Variants in PSME3 observed in about 807,000 individuals in gnomAD.
PSME3 encodes proteasome activator subunit 3, also known as proteasome activator complex subunit 3.
PSME3 carries 7 observed loss-of-function variants against 38.3 expected under a neutral mutation model. The observed-to-expected ratio is 0.18, with a 90% CI of 0.10 to 0.34. The LOEUF is 0.34. PSME3 is among the 10% of genes least tolerant of loss of function. PSME3 has a pLI of 1.00. For missense variants in PSME3, 192 were observed against 307.6 expected, an observed-to-expected ratio of 0.62 and a Z score of 2.81; for synonymous variants, 108 against 105.7, an observed-to-expected ratio of 1.02 and a Z score of -0.13.
chr17:42,839,242 C>T, intron 9 of PSME3, 52 bp from the exon 10 acceptor site: 2 of 1,575,486 alleles, frequency 1.3e-6, no homozygotes, highest in Admixed American at 1.7e-5. Flanking sequence ...AAGGAGCTGT[C>T]TGGAAACAAT....
At chr17:42,834,287 C>T in intron 1 of PSME3, 57 bp from the exon 2 acceptor site, 1 of 1,612,078 alleles carries the variant, frequency 6.2e-7, no homozygotes, top group South Asian at 1.1e-5. Flanking sequence ...TTGGGATTCT[C>T]CATCCTGCTC....
chr17:42,841,125 C>A (rs147111169), intron 10 of PSME3, among the ~76,000 whole-genome samples: 223 of 140,774 alleles, frequency 1.6e-3, no homozygotes, highest in African/African-American at 5.7e-3. Flanking sequence ...AGAGCAAGAC[C>A]GTGTCTCAAA....
rs766375896 is a variant in PSME3 at position 42,839,296 on chromosome 17, G to A, written c.600G>A (p.Glu200=). 8 of 1,613,314 alleles carry A rather than the reference G, an allele frequency of 5.0e-6. No homozygotes were observed. Among genetic ancestry groups the A allele is most frequent in the Non-Finnish European group, 3.4e-6 (4 of 1,179,248 alleles). ...TTTTTCCTGTACCCTCCTTGCAGGA[G>A]GACTATCGCCGCACCGTGACAGAGA... ...VSKIAKYPHV[E]DYRRTVTEID... The change falls in exon 10 of 11, where the codon GAG becomes GAA. Residue 200 remains glutamate (E), a splice_region_variant and synonymous_variant. Coordinates refer to ENST00000590720, the MANE Select transcript of PSME3 (RefSeq NM_005789.4).
chr17:42,834,597 C>T lies in PSME3; in HGVS notation c.138+20C>T, dbSNP rs367851304. 6.2e-7 allele frequency: 1 copy of T among 1,611,994 alleles called. No homozygotes were observed. Among genetic ancestry groups the T allele is most frequent in the African/African-American group, 1.3e-5 (1 of 74,840 alleles). On this transcript the variant is annotated intron_variant, in intron 3 of 10. Transcript: ENST00000590720. ...CTGAAGGTGAGAGACCCTATTCTTTCCTCAAATTCCCCAATTTTTTTGGCC... is the reference window on the plus strand; with the variant it reads ...CTGAAGGTGAGAGACCCTATTCTTTTCTCAAATTCCCCAATTTTTTTGGCC...
chr17:42,841,898 G>A lies in PSME3; in HGVS notation c.*320G>A, dbSNP rs2055538876. 4.8e-6 allele frequency: 1 copy of A among 210,152 alleles called. No individual in the cohort carries two copies. The highest frequency in any genetic ancestry group is 9.4e-6 in the Non-Finnish European group (1 of 105,946). 13.0% of individuals were successfully genotyped at this position (210,152 alleles called of 1,614,324 possible). On this transcript the variant is annotated 3_prime_UTR_variant, in exon 11 of 11. Transcript: ENST00000590720. Reference sequence around the variant, plus strand: ...CATTCTCCCCCTCTCTCCCTCCTGTGTCTTGCGCTTTATGTTTTCTTCCGT... The same window carrying A: ...CATTCTCCCCCTCTCTCCCTCCTGTATCTTGCGCTTTATGTTTTCTTCCGT...
intron 4 of PSME3, among the ~76,000 whole-genome samples, chr17:42,836,201 C>T (rs1284206479): frequency 3.3e-5 from 5 of 151,930 alleles, no homozygotes; most frequent in Admixed American, 2.6e-4. Flanking sequence ...GACAGGGTTT[C>T]ACCATGTTGT....
In PSME3 at chr17:42,841,940, T is replaced by C. The variant is rs1404463899; in HGVS notation, c.*362T>C. 1 of 163,958 alleles carries C rather than the reference T, an allele frequency of 6.1e-6. No individual in the cohort carries two copies. Among genetic ancestry groups the C allele is most frequent in the Non-Finnish European group, 1.3e-5 (1 of 75,550 alleles). The allele number at this position is 163,958 out of a possible 1,614,324, so 10.2% of individuals were successfully genotyped here. ...TTCTTCCGTTTGATAATTAGTTGGT[T>C]AAAAGCTGAGGGAACCGGAAGGAAA... On this transcript the variant is annotated 3_prime_UTR_variant, in exon 11 of 11. Coordinates refer to ENST00000590720, the MANE Select transcript of PSME3 (RefSeq NM_005789.4).
At chr17:42,833,837 G>GAA in intron 1 of PSME3, 164 bp downstream of exon 1, 2 of 1,534,592 alleles carry the variant, frequency 1.3e-6, no homozygotes, top group Non-Finnish European at 1.8e-6. Flanking sequence ...CGCGGGAGAG[G>GAA]AAAATATAGG....
At position 42,841,882 on chromosome 17, in the gene PSME3, CCT is replaced by C. The variant is rs1456867891; in HGVS notation, c.*310_*311del. The C allele has an allele frequency of 4.2e-6, 1 of 237,902 alleles. No homozygotes were observed. Among genetic ancestry groups the C allele is most frequent in the African/African-American group, 2.3e-5 (1 of 44,384 alleles). The allele number at this position is 237,902 out of a possible 1,614,324, so 14.7% of individuals were successfully genotyped here. A position where few individuals can be genotyped will look rare whatever the true frequency, so the allele number is the denominator to read the frequency against. ...AAAATACCTGTGTTTTCATTCTCCC[CCT>C]CTCTCCCTCCTGTGTCTTGCGCTTT... On this transcript the variant is annotated 3_prime_UTR_variant, in exon 11 of 11. Transcript: ENST00000590720.
Position 42,841,794 on chromosome 17 carries a change from C to T in PSME3, c.*216C>T, listed in dbSNP as rs2055537320. On this transcript the variant is annotated 3_prime_UTR_variant, in exon 11 of 11. Coordinates refer to ENST00000590720, the MANE Select transcript of PSME3 (RefSeq NM_005789.4). The stretch of plus-strand genomic sequence containing the variant: ...CTCTTCTATTTCCTTCCCTAATACC[C>T]CACACCCAACCTGTCGTAATTTCTG... 2 of 397,918 alleles carry T rather than the reference C, an allele frequency of 5.0e-6. No individual in the cohort carries two copies. Among genetic ancestry groups the T allele is most frequent in the African/African-American group, 4.1e-5 (2 of 48,246 alleles). 24.6% of individuals were successfully genotyped at this position (397,918 alleles called of 1,614,324 possible).
chr17:42,840,057 A>G (rs577386548), intron 10 of PSME3, among the ~76,000 whole-genome samples: 1 of 150,766 alleles, frequency 6.6e-6, no homozygotes, highest in Admixed American at 6.6e-5. Context: ...TGGGTGGATC[A>G]CTTGAGGTCA....
intron 10 of PSME3, among the ~76,000 whole-genome samples, chr17:42,839,660 A>G (rs1373831811): frequency 6.6e-6 from 1 of 152,102 alleles, no homozygotes; most frequent in African/African-American, 2.4e-5. Context: ...GTGTTGTGTG[A>G]CCTCGAGCAA....
intron 1 of PSME3, 100 bp from the exon 2 acceptor site, chr17:42,834,244 T>A (rs936834567): frequency 6.3e-7 from 1 of 1,597,376 alleles, no homozygotes; most frequent in Non-Finnish European, 8.5e-7. Context: ...CAGCTTCTTA[T>A]TACAGTTACA....
At chr17:42,838,440 T>C (rs926397387) in intron 6 of PSME3, among the ~76,000 whole-genome samples, 3 of 152,152 alleles carry the variant, frequency 2.0e-5, no homozygotes, top group African/African-American at 7.2e-5. Context: ...CCCGAGTAGC[T>C]GGGATTACAG....
rs567052289 is a variant in PSME3, at chr17:42,842,954, T to C, written c.*1376T>C. On this transcript the variant is annotated 3_prime_UTR_variant, in exon 11 of 11. Transcript: ENST00000590720. ...ATTTCCACCGGGGATGCATCATTTT[T>C]ACTCCCAATATTCTGTAGAGAGGGA... The C allele has an allele frequency of 4.6e-5, 7 of 152,878 alleles. No individual in the cohort carries two copies. The East Asian group carries it at 1.3e-3, about 29-fold the overall frequency. The allele number at this position is 152,878 out of a possible 1,614,324, so 9.5% of individuals were successfully genotyped here. A position where few individuals can be genotyped will look rare whatever the true frequency, so the allele number is the denominator to read the frequency against.
chr17:42,836,387 A>G (rs2055464344), intron 4 of PSME3, among the ~76,000 whole-genome samples: 1 of 152,174 alleles, frequency 6.6e-6, no homozygotes, highest in Non-Finnish European at 1.5e-5. Flanking sequence ...ATGTTTGTTA[A>G]CTGAATAATG....
intron 5 of PSME3, 129 bp from the exon 6 acceptor site, chr17:42,837,964 G>A: frequency 3.0e-6 from 3 of 995,808 alleles, no homozygotes; most frequent in East Asian, 5.0e-5. Flanking sequence ...TCTAATAGTG[G>A]TGTCATGGTA....
At chr17:42,839,921 G>A (rs979192227) in intron 10 of PSME3, among the ~76,000 whole-genome samples, 9 of 151,754 alleles carry the variant, frequency 5.9e-5, no homozygotes, top group African/African-American at 1.9e-4. Context: ...ACTTGAACCC[G>A]GGAGTTGGAG....
At chr17:42,835,191 C>T (rs993086586) in intron 4 of PSME3, among the ~76,000 whole-genome samples, 2 of 152,032 alleles carry the variant, frequency 1.3e-5, no homozygotes, top group South Asian at 2.1e-4. Context: ...GAGTCCACCA[C>T]CATGCCCACT....
Sources: allele counts gnomAD v4.1 joint callset (sites outside exome capture counted in the v4.1 genomes callset), GRCh38; gene constraint gnomAD v4.1.1; transcripts MANE v1.5; gene names NCBI Gene and HGNC (gene_info 2026-07-23, HGNC 2026-07-21).